Variants in MPND observed in about 807,000 individuals in gnomAD.
The protein encoded by MPND is MPN domain containing.
A neutral mutation model predicts 59.2 loss-of-function variants in MPND; 56 were observed. That is an observed-to-expected ratio of 0.95 (90% confidence interval 0.76 to 1.18). The LOEUF is 1.18. MPND is among the 50% of genes most tolerant of loss of function. The pLI, the probability that MPND is intolerant of heterozygous loss-of-function variation, is 0.00. For missense variants in MPND, 671 were observed against 676.0 expected (o/e 0.99, Z 0.08); for synonymous variants, 323 against 291.9 (o/e 1.11, Z -1.09).
chr19:4,355,174 G>A lies in MPND; in HGVS notation c.996+1G>A, dbSNP rs750324415. ...GACTGCAGCTGCCATCGAAGAGGAG[G>A]TGAGGGGCTACCTGGGAGGTGGCAT... On this transcript the variant is annotated splice_donor_variant, in intron 8 of 12. Transcript: ENST00000599840. LOFTEE classifies it high-confidence loss of function. 22 of 1,612,700 alleles carry A rather than the reference G, an allele frequency of 1.4e-5. No individual in the cohort carries two copies. The highest frequency in any genetic ancestry group is 1.8e-5 in the Non-Finnish European group (21 of 1,179,986).
intron 11 of MPND, among the ~76,000 whole-genome samples, chr19:4,358,792 A>G (rs959178475): frequency 6.6e-6 from 1 of 152,200 alleles, no homozygotes; most frequent in African/African-American, 2.4e-5. Context: ...ACCTCAAGGA[A>G]AAAACCCAAC....
intron 3 of MPND, among the ~76,000 whole-genome samples, chr19:4,350,673 G>A (rs767024085): frequency 7.2e-5 from 11 of 152,206 alleles, no homozygotes; most frequent in Non-Finnish European, 1.6e-4. Flanking sequence ...GGGAAGGGCA[G>A]ATCTGGGGGT....
At position 4,343,586 on chromosome 19, in the gene MPND, G is replaced by A. The variant is rs1015823817; in HGVS notation, c.-8G>A. 19 of 1,221,050 alleles carry A rather than the reference G, an allele frequency of 1.6e-5. No homozygotes were observed. Among genetic ancestry groups the A allele is most frequent in the Non-Finnish European group, 1.7e-5 (17 of 981,170 alleles). The allele number at this position is 1,221,050 out of a possible 1,614,324, so 75.6% of individuals were successfully genotyped here. On this transcript the variant is annotated 5_prime_UTR_variant, in exon 1 of 13. Coordinates refer to ENST00000599840, the MANE Select transcript of MPND (RefSeq NM_001300862.2). Reference sequence around the variant, plus strand: ...AGTCTAGAGCTCCGGGCGCGGGGAGGCGCGGCCATGGCAGGTACGGCGGGC... The same window carrying A: ...AGTCTAGAGCTCCGGGCGCGGGGAGACGCGGCCATGGCAGGTACGGCGGGC...
chr19:4,345,614 C>T (rs1181866266), intron 2 of MPND, 131 bp from the exon 3 acceptor site: 3 of 793,714 alleles, frequency 3.8e-6, no homozygotes, highest in Non-Finnish European at 6.1e-6. Flanking sequence ...GGCCCTGCAG[C>T]CGGCCTGAGA....
At position 4,358,102 on chromosome 19, in the gene MPND, G is replaced by C. The variant is rs994235966; in HGVS notation, c.1256G>C (p.Gly419Ala). 4 of 1,551,274 alleles carry C rather than the reference G, an allele frequency of 2.6e-6. No homozygotes were observed. In the African/African-American group the frequency reaches 5.5e-5, roughly 21 times the overall value. ...TGCCAGCAAAGGCCCAGTGACTATG[G>C]CATCCCCATGGATGTGGAGATGGCC... ...PPPEQRPSDY[G>A]IPMDVEMAYV... The change falls in exon 11 of 13, where the codon GGC becomes GCC. Residue 419 changes from glycine (G) to alanine (A), a missense_variant. Transcript: ENST00000599840.
intron 3 of MPND, among the ~76,000 whole-genome samples, chr19:4,350,615 G>A (rs1485383898): frequency 3.9e-5 from 6 of 152,190 alleles, no homozygotes; most frequent in African/African-American, 1.4e-4. Flanking sequence ...ATCAGATGCT[G>A]GAGTCCTGAG....
intron 1 of MPND, 45 bp downstream of exon 1, chr19:4,343,645 A>AGGGGCGCGGGGCTGCT: frequency 8.3e-7 from 1 of 1,203,332 alleles, no homozygotes; most frequent in Non-Finnish European, 1.0e-6. Context: ...GCGGGGCTGC[A>AGGGGCGCGGGGCTGCT]GGGGCGCGGG....
At chr19:4,356,403 G>A (rs1248579415) in intron 8 of MPND, among the ~76,000 whole-genome samples, 2 of 152,124 alleles carry the variant, frequency 1.3e-5, no homozygotes, top group South Asian at 2.1e-4. Flanking sequence ...AAATTAGCCA[G>A]ACATGGTGGT....
chr19:4,346,859 G>A (rs74172637), intron 3 of MPND, among the ~76,000 whole-genome samples: 1 of 151,886 alleles, frequency 6.6e-6, no homozygotes, highest in Non-Finnish European at 1.5e-5. Context: ...GTGAAACCCC[G>A]TCTCTACTAA....
intron 2 of MPND, among the ~76,000 whole-genome samples, chr19:4,345,392 T>C (rs1599564617): frequency 6.6e-6 from 1 of 152,168 alleles, no homozygotes; most frequent in African/African-American, 2.4e-5. Flanking sequence ...GATTTGTGAA[T>C]GGTAGCACAT....
Position 4,359,271 on chromosome 19 carries a change from C to T in MPND, c.1419+16C>T. 1.2e-6 allele frequency: 2 copies of T among 1,605,616 alleles called. No homozygotes were observed. Among genetic ancestry groups the T allele is most frequent in the South Asian group, 1.1e-5 (1 of 90,864 alleles). On this transcript the variant is annotated intron_variant, in intron 12 of 12. Coordinates refer to ENST00000599840, the MANE Select transcript of MPND (RefSeq NM_001300862.2). ...CAAGCTTAAGGTGAGCCCCAAGTCC[C>T]CGCAGACCTCCTAACGGGGCCCCAG...
chr19:4,353,426 C>A (rs753057613), intron 4 of MPND, among the ~76,000 whole-genome samples: 64 of 152,246 alleles, frequency 4.2e-4, no homozygotes, highest in Non-Finnish European at 7.4e-4. Flanking sequence ...AGCCGCCACG[C>A]CTGGCTAACT....
At chr19:4,358,711 C>T (rs576159840) in intron 11 of MPND, among the ~76,000 whole-genome samples, 10 of 152,224 alleles carry the variant, frequency 6.6e-5, no homozygotes, top group East Asian at 1.9e-4. Flanking sequence ...CTCTTGAACC[C>T]GGGAGGTGGA....
chr19:4,360,025 C>T lies in MPND; in HGVS notation c.*23C>T. On this transcript the variant is annotated 3_prime_UTR_variant, in exon 13 of 13. Coordinates refer to ENST00000599840, the MANE Select transcript of MPND (RefSeq NM_001300862.2). ...TGAGCCTTCCAGGGCAGGGTGGGCT[C>T]CAGTTGTCTTGAGGGTCCGGATGGG... The T allele has an allele frequency of 6.5e-7, 1 of 1,549,558 alleles. No homozygotes were observed. The highest frequency in any genetic ancestry group is 1.2e-5 in the South Asian group (1 of 84,024).
chr19:4,358,567 C>G (rs914654178), intron 11 of MPND: 1 of 186,504 alleles, frequency 5.4e-6, no homozygotes, highest in Non-Finnish European at 1.1e-5. Context: ...GTGGGTGGAT[C>G]ACCTGAGGTC....
At chr19:4,345,109 A>C (rs963520931) in intron 2 of MPND, among the ~76,000 whole-genome samples, 2 of 114,220 alleles carry the variant, frequency 1.8e-5, no homozygotes. Flanking sequence ...ATGCAGTAGC[A>C]TGATCTCGGC....
At chr19:4,346,737 A>T (rs1568394913) in intron 3 of MPND, among the ~76,000 whole-genome samples, 1 of 150,752 alleles carries the variant, frequency 6.6e-6, no homozygotes, top group Non-Finnish European at 1.5e-5. Context: ...CTTATGTGAA[A>T]TGGAGATGGT....
At chr19:4,353,100 G>A in intron 4 of MPND, 71 bp downstream of exon 4, 1 of 1,236,696 alleles carries the variant, frequency 8.1e-7, no homozygotes, top group East Asian at 2.9e-5. Context: ...ACTGGGGAGA[G>A]GTTGGGCCTT....
intron 2 of MPND, among the ~76,000 whole-genome samples, 154 bp from the exon 3 acceptor site, chr19:4,345,591 C>T (rs1403031460): frequency 6.6e-6 from 1 of 152,156 alleles, no homozygotes; most frequent in Non-Finnish European, 1.5e-5. Context: ...TGTGGACTCC[C>T]AGGCACTGAG....
Sources: allele counts gnomAD v4.1 joint callset (sites outside exome capture counted in the v4.1 genomes callset), GRCh38; gene constraint gnomAD v4.1.1; transcripts MANE v1.5; gene names NCBI Gene and HGNC (gene_info 2026-07-23, HGNC 2026-07-21).